The following KCNAB2 variants were observed in gnomAD, a reference collection of about 807,000 sequenced individuals.
KCNAB2 encodes potassium voltage-gated channel subfamily A regulatory beta subunit 2.
KCNAB2 carries 29 observed loss-of-function variants against 63.6 expected under a neutral mutation model. That is an observed-to-expected ratio of 0.46 (90% CI 0.34 to 0.62). The LOEUF (loss-of-function observed/expected upper bound fraction) is 0.62. Among genes scored for constraint, KCNAB2 ranks in the 20% least tolerant of loss-of-function variants. The pLI is 0.01. For missense variants in KCNAB2, 359 were observed against 563.9 expected, an observed-to-expected ratio of 0.64 and a Z score of 3.68; for synonymous variants, 222 against 224.2, an observed-to-expected ratio of 0.99 and a Z score of 0.09.
At chr1:6,042,843 A>T (rs868750402), upstream of KCNAB2, among the ~76,000 whole-genome samples, 2 of 29,006 alleles carry the variant, frequency 6.9e-5, no homozygotes, top group Admixed American at 4.0e-4. Context: ...CCCACTCCCC[A>T]CCCCCCCCCC....
chr1:6,007,935 G>A (rs2100251365), intron 1 of KCNAB2, among the ~76,000 whole-genome samples: 1 of 152,300 alleles, frequency 6.6e-6, no homozygotes, highest in East Asian at 1.9e-4. Context: ...GGCTGGAGAC[G>A]CTGAGGCAGG....
intron 1 of KCNAB2, among the ~76,000 whole-genome samples, chr1:6,016,494 G>C (rs1658507475): frequency 6.6e-6 from 1 of 152,252 alleles, no homozygotes; most frequent in Non-Finnish European, 1.5e-5. Context: ...ATAGACCGTG[G>C]AGCCAAGTAC....
At chr1:6,044,944 G>C (rs1454243094), upstream of KCNAB2, among the ~76,000 whole-genome samples, 1 of 152,156 alleles carries the variant, frequency 6.6e-6, no homozygotes, top group Non-Finnish European at 1.5e-5. Context: ...GGCCTCATTC[G>C]GAGCATGTTA....
intron 1 of KCNAB2, among the ~76,000 whole-genome samples, chr1:6,010,319 G>T (rs1405572329): frequency 3.3e-5 from 5 of 152,168 alleles, no homozygotes; most frequent in African/African-American, 1.2e-4. Context: ...CTGGAGGCAG[G>T]CATGGTGGCT....
chr1:6,039,031 C>G (rs1660278372), intron 1 of KCNAB2, among the ~76,000 whole-genome samples: 1 of 152,100 alleles, frequency 6.6e-6, no homozygotes, highest in Non-Finnish European at 1.5e-5. Flanking sequence ...TGGAACACAC[C>G]CCCCCCAGAG....
At position 6,046,202 on chromosome 1, in the gene KCNAB2, C is replaced by T. The variant is rs1473884113; in HGVS notation, c.-27+19C>T. On this transcript the variant is annotated intron_variant, in intron 1 of 15. Coordinates refer to ENST00000378083, the MANE Select transcript of KCNAB2 (RefSeq NM_001199862.2). ...AAGGCAGGTGAGTCCTCCCTTCAGC[C>T]GCTACCTTCCTAGTGGAGATGCCGC... The T allele has an allele frequency of 4.1e-6, 4 of 985,166 alleles. No individual in the cohort carries two copies. The highest frequency in any genetic ancestry group is 3.5e-5 in the African/African-American group (2 of 57,218). 61.0% of individuals were successfully genotyped at this position (985,166 alleles called of 1,614,324 possible).
At chr1:6,090,566 TGCTGGGCACCC>T in intron 9 of KCNAB2, 91 bp downstream of exon 9, 1 of 967,892 alleles carries the variant, frequency 1.0e-6, no homozygotes, top group Non-Finnish European at 1.6e-6. Flanking sequence ...GCATGGGCCC[TGCTGGGCACCC>T]GGGTGAGCCG....
At position 6,100,763 on chromosome 1, in the gene KCNAB2, G is replaced by A. The variant is rs1665978056; in HGVS notation, c.*2189G>A. On this transcript the variant is annotated 3_prime_UTR_variant, in exon 16 of 16. Transcript: ENST00000378083. ...CTGCTTGCTCCACACCCATCTACAG[G>A]GAGGATGTGAGGGGGCTCTGCCTCC... is the stretch of plus-strand genomic sequence containing the variant. 1 of 152,328 alleles carries A rather than the reference G, an allele frequency of 6.6e-6. No individual in the cohort carries two copies. The allele number at this position is 152,328 out of a possible 1,614,324, so 9.4% of individuals were successfully genotyped here. A position where few individuals can be genotyped will look rare whatever the true frequency, so the allele number is the denominator to read the frequency against.
rs1413403530 is a variant in KCNAB2, at chr1:6,003,445, C to G, written c.-53+10657C>G. On this transcript the variant is annotated intron_variant, in intron 1 of 16. Coordinates refer to the KCNAB2 transcript ENST00000341524. This position sits in a 1 kb window ranked among gnomAD's most constrained non-coding sequence, Gnocchi z 4.1. ...CTGCAGACACGCAGGCACCGTCCAC[C>G]TTCTCCACTCTTAGCGCGAGCCCTG... Among the ~76,000 whole-genome samples the G allele has an allele frequency of 6.6e-6, 1 of 152,216 alleles. No homozygotes were observed. The highest frequency in any genetic ancestry group is 1.5e-5 in the Non-Finnish European group (1 of 68,038).
In KCNAB2 at chr1:6,096,743, C is replaced by A; in HGVS notation, c.1056C>A (p.Pro352=). ...CCGAGCGCCTGGGCTGCACCCTGCC[C>A]CAGCTGGCCATAGGTAACGGTGGGG... ...AIAERLGCTL[P]QLAIAWCLRN... is the part of the protein sequence containing the mutation. The change falls in exon 14 of 16, where the codon CCC becomes CCA. Residue 352 remains proline (P), a synonymous_variant. Coordinates refer to ENST00000378083, the MANE Select transcript of KCNAB2 (RefSeq NM_001199862.2). The surrounding 1 kb of genome is among the most constrained non-coding windows in gnomAD (Gnocchi z 5.9). 6.3e-7 allele frequency: 1 copy of A among 1,585,434 alleles called. No homozygotes were observed. Among genetic ancestry groups the A allele is most frequent in the Non-Finnish European group, 8.6e-7 (1 of 1,166,616 alleles).
intron 2 of KCNAB2, among the ~76,000 whole-genome samples, chr1:6,053,737 T>C (rs938072870): frequency 2.0e-5 from 3 of 152,160 alleles, no homozygotes; most frequent in African/African-American, 7.2e-5. Flanking sequence ...GAGGATAGTT[T>C]AGTGGGTTAA....
chr1:6,022,639 C>T (rs1409218918), intron 1 of KCNAB2, among the ~76,000 whole-genome samples: 1 of 152,180 alleles, frequency 6.6e-6, no homozygotes, highest in East Asian at 1.9e-4. Context: ...TAAACTGGAA[C>T]TTCCCATTCC....
At chr1:6,019,440 C>A (rs1291858081) in intron 1 of KCNAB2, among the ~76,000 whole-genome samples, 2 of 152,340 alleles carry the variant, frequency 1.3e-5, no homozygotes, top group East Asian at 1.9e-4. Context: ...TCTCTGCTGG[C>A]CAGCCGGTGT....
intron 1 of KCNAB2, chr1:6,007,509 T>TTTGCGC (rs1657881051): frequency 1.3e-5 from 2 of 152,720 alleles, no homozygotes; most frequent in African/African-American, 2.4e-5. Context: ...CCGCGCCACC[T>TTTGCGC]CTGCGCCTCC....
rs1043322443 is a variant in KCNAB2 at position 6,005,022 on chromosome 1, G to T, written c.-53+12234G>T. 4.5e-4 allele frequency among the ~76,000 whole-genome samples: 49 copies of T among 108,502 alleles called. 4 individuals carry two copies. Among genetic ancestry groups the T allele is most frequent in the Admixed American group, 8.8e-4 (10 of 11,408 alleles). 71.2% of individuals were successfully genotyped at this position (108,502 alleles called of 152,430 possible). On this transcript the variant is annotated intron_variant, in intron 1 of 16. Coordinates refer to the KCNAB2 transcript ENST00000341524. Reference sequence around the variant, plus strand: ...GGAGCTGAGCTAAGGGGTGAGGGTGGAGTAGGGGGACGCGGGGGCTGAGCT... The same window carrying T: ...GGAGCTGAGCTAAGGGGTGAGGGTGTAGTAGGGGGACGCGGGGGCTGAGCT...
rs1303698426 is a variant in KCNAB2, at chr1:6,099,403, G to A, written c.*829G>A. The A allele has an allele frequency of 5.5e-6, 1 of 181,944 alleles. No individual in the cohort carries two copies. The highest frequency in any genetic ancestry group is 1.5e-4 in the East Asian group (1 of 6,832). 11.3% of individuals were successfully genotyped at this position (181,944 alleles called of 1,614,324 possible). On this transcript the variant is annotated 3_prime_UTR_variant, in exon 16 of 16. Transcript: ENST00000378083. The stretch of plus-strand genomic sequence containing the variant: ...TGCCAGTGAGGCCCGGAGCGCTTGG[G>A]AGGGGTCCCAGTGGGGCAGGCCCCT...
chr1:6,083,279 C>G (rs2100719764), intron 5 of KCNAB2, among the ~76,000 whole-genome samples: 1 of 152,322 alleles, frequency 6.6e-6, no homozygotes, highest in Middle Eastern at 3.4e-3. Context: ...GAGGCACCTC[C>G]CGTCCCGAGC....
At chr1:6,052,726 T>G (rs12023920) in intron 2 of KCNAB2, among the ~76,000 whole-genome samples, 50,411 of 152,070 alleles carry the variant, frequency 0.33, 10,107 homozygotes, top group African/African-American at 0.56. Flanking sequence ...GTGAGAGCCA[T>G]TCAGCCAAAG....
At chr1:6,026,418 G>A (rs574000349) in intron 1 of KCNAB2, 1 of 152,432 alleles carries the variant, frequency 6.6e-6, no homozygotes, top group Non-Finnish European at 1.5e-5. Context: ...AAATGGCCTT[G>A]TCTCCGGTCG....
Sources: allele counts gnomAD v4.1 joint callset (sites outside exome capture counted in the v4.1 genomes callset), GRCh38; gene constraint gnomAD v4.1.1; non-coding constraint Gnocchi (gnomAD v3.1); transcripts MANE v1.5; gene names NCBI Gene and HGNC (gene_info 2026-07-23, HGNC 2026-07-21).